INPP4B: variants seen among roughly 807,000 people sequenced by gnomAD.
The protein encoded by INPP4B is inositol polyphosphate 4-phosphatase type II.
INPP4B carries 55 observed loss-of-function variants against 122.5 expected under a neutral mutation model. The ratio of observed to expected loss-of-function variants is 0.45; its 90% confidence interval spans 0.36 to 0.56. INPP4B has a LOEUF of 0.56. Ranked by LOEUF, INPP4B falls within the 20% of genes least tolerant of loss-of-function variation. INPP4B has a pLI of 0.00. For synonymous variants in INPP4B, 403 were observed against 388.7 expected, an observed-to-expected ratio of 1.04 and a Z score of -0.43; for missense variants, 1,000 against 1,097.7, an observed-to-expected ratio of 0.91 and a Z score of 1.26.
chr4:142,796,496 C>G (rs554996824), intron 1 of INPP4B, among the ~76,000 whole-genome samples: 1 of 151,898 alleles, frequency 6.6e-6, no homozygotes, highest in African/African-American at 2.4e-5. Flanking sequence ...TCAGTAGACA[C>G]GGTTGATAGC....
intron 2 of INPP4B, among the ~76,000 whole-genome samples, chr4:142,555,572 T>C (rs1728969219): frequency 6.6e-6 from 1 of 151,992 alleles, no homozygotes; most frequent in South Asian, 2.1e-4. Context: ...GTTAAAAAAA[T>C]TTAAAAAGCA....
At chr4:142,397,695 C>A (rs1234602503) in intron 7 of INPP4B, among the ~76,000 whole-genome samples, 6 of 151,672 alleles carry the variant, frequency 4.0e-5, no homozygotes, top group African/African-American at 1.5e-4. Flanking sequence ...AAAAATTAGC[C>A]GGGCATGATG....
chr4:142,526,873 C>T (rs112977904), intron 2 of INPP4B, among the ~76,000 whole-genome samples: 9,566 of 151,886 alleles, frequency 0.063, 357 homozygotes, highest in African/African-American at 0.093. Flanking sequence ...ATTTATGTAA[C>T]GTGTTTAACG....
At chr4:142,121,182 G>A (rs1052595562) in intron 21 of INPP4B, among the ~76,000 whole-genome samples, 1 of 152,014 alleles carries the variant, frequency 6.6e-6, no homozygotes, top group Admixed American at 6.6e-5. Context: ...TGAATGGCAA[G>A]TTAAGCATTA....
rs751420268 is a variant in INPP4B, at chr4:142,082,052, C to A, written c.2621G>T (p.Arg874Leu). ...ATACCTTCTCATGCAATCCAGCGCT[C>A]GGATAAAGAAGTCCTTGTGTAACTG... Reference protein sequence around the residue: ...EHQLHKDFFIRALDCMRREGC... With the variant: ...EHQLHKDFFILALDCMRREGC... The change falls in exon 25 of 26, where the codon CGA becomes CTA. Residue 874 changes from arginine to leucine, a missense_variant. Coordinates refer to ENST00000262992, the MANE Select transcript of INPP4B (RefSeq NM_001101669.3). 6.8e-7 allele frequency: 1 copy of A among 1,464,338 alleles called. No individual in the cohort carries two copies. The highest frequency in any genetic ancestry group is 1.6e-5 in the South Asian group (1 of 63,024). 90.7% of individuals were successfully genotyped at this position (1,464,338 alleles called of 1,614,324 possible).
At chr4:142,209,153 C>A in intron 12 of INPP4B, 127 bp from the exon 13 acceptor site, 1 of 513,906 alleles carries the variant, frequency 1.9e-6, no homozygotes, top group Non-Finnish European at 3.2e-6. Context: ...GTTCTATGAG[C>A]TTATTAGCTT....
intron 3 of INPP4B, among the ~76,000 whole-genome samples, chr4:142,437,047 A>G (rs1250857451): frequency 6.6e-6 from 1 of 152,056 alleles, no homozygotes; most frequent in Admixed American, 6.5e-5. Context: ...TAACTAGAAT[A>G]AACAGTTTAA....
At chr4:142,218,258 C>T (rs956939975) in intron 12 of INPP4B, among the ~76,000 whole-genome samples, 2 of 152,132 alleles carry the variant, frequency 1.3e-5, no homozygotes, top group Non-Finnish European at 2.9e-5. Context: ...CCACATTTTA[C>T]AAATACTCTC....
At chr4:142,252,257 C>T (rs1200732490) in intron 11 of INPP4B, among the ~76,000 whole-genome samples, 6 of 147,550 alleles carry the variant, frequency 4.1e-5, no homozygotes, top group Non-Finnish European at 5.9e-5. Context: ...GGCGCGATCT[C>T]GGCTCACTGC....
intron 1 of INPP4B, among the ~76,000 whole-genome samples, chr4:142,821,788 T>C (rs527312615): frequency 6.6e-6 from 1 of 152,288 alleles, no homozygotes; most frequent in African/African-American, 2.4e-5. Flanking sequence ...CAAACACTAG[T>C]CTGACCGTTA....
At chr4:142,501,766 G>A (rs1291859602) in intron 2 of INPP4B, among the ~76,000 whole-genome samples, 1 of 151,974 alleles carries the variant, frequency 6.6e-6, no homozygotes, top group African/African-American at 2.4e-5. Context: ...ATATATTCCT[G>A]GGCCTGTGCA....
At chr4:142,057,337 G>A (rs923381262) in intron 25 of INPP4B, among the ~76,000 whole-genome samples, 16 of 152,004 alleles carry the variant, frequency 1.1e-4, no homozygotes, top group African/African-American at 3.6e-4. Flanking sequence ...CTATAATCAA[G>A]TTCTTTATTG....
intron 2 of INPP4B, among the ~76,000 whole-genome samples, chr4:142,516,107 G>C (rs897151189): frequency 6.6e-6 from 1 of 152,132 alleles, no homozygotes; most frequent in Non-Finnish European, 1.5e-5. Flanking sequence ...AAATTCACCA[G>C]ATTTCTTGGT....
At chr4:142,146,102 A>T (rs1490998926) in intron 17 of INPP4B, 106 bp from the exon 18 acceptor site, 2 of 1,230,922 alleles carry the variant, frequency 1.6e-6, no homozygotes, top group Admixed American at 4.1e-5. Flanking sequence ...AGTCATTAGA[A>T]TGCAGATTGA....
chr4:142,109,044 T>C (rs770160836), intron 22 of INPP4B, among the ~76,000 whole-genome samples: 13 of 152,172 alleles, frequency 8.5e-5, no homozygotes, highest in Admixed American at 2.0e-4. Flanking sequence ...ATTTTGGCAT[T>C]AATTCAGGTT....
intron 2 of INPP4B, among the ~76,000 whole-genome samples, chr4:142,647,589 G>A (rs1010623469): frequency 2.6e-5 from 4 of 152,150 alleles, no homozygotes; most frequent in Non-Finnish European, 4.4e-5. Flanking sequence ...TTTCTTCCCT[G>A]CTTGCTGATA....
chr4:142,143,847 C>T (rs908948634), intron 18 of INPP4B, among the ~76,000 whole-genome samples: 8 of 151,830 alleles, frequency 5.3e-5, no homozygotes, highest in Admixed American at 3.9e-4. Flanking sequence ...TTATAATACG[C>T]GTTCTGGAGA....
intron 2 of INPP4B, among the ~76,000 whole-genome samples, chr4:142,489,323 T>C (rs1821576752): frequency 6.6e-6 from 1 of 152,160 alleles, no homozygotes; most frequent in Admixed American, 6.6e-5. Flanking sequence ...GAGAAAAATG[T>C]GTGTTCTGGA....
intron 7 of INPP4B, among the ~76,000 whole-genome samples, chr4:142,340,848 C>T (rs952783656): frequency 6.6e-6 from 1 of 151,934 alleles, no homozygotes; most frequent in African/African-American, 2.4e-5. Context: ...CAAAAAAAAT[C>T]ATAGAGGAGC....
Sources: gnomAD v4.1 joint callset for allele counts (sites outside exome capture counted in the v4.1 genomes callset) on GRCh38, gnomAD v4.1.1 for gene constraint, MANE v1.5 for transcripts, NCBI Gene and HGNC (gene_info 2026-07-23, HGNC 2026-07-21) for gene names.